Variants in ANK2 observed in about 807,000 individuals in gnomAD.
The protein encoded by ANK2 is ankyrin-2.
A neutral mutation model predicts 360.5 loss-of-function variants in ANK2; 83 were observed. The ratio of observed to expected loss-of-function variants is 0.23; its 90% CI spans 0.19 to 0.28. The LOEUF is 0.28. Ranked by LOEUF, ANK2 falls within the 10% of genes least tolerant of loss-of-function variation. The pLI, the probability that ANK2 is intolerant of heterozygous loss-of-function variation, is 1.00. For missense variants in ANK2, 4,201 were observed against 4,795.7 expected (o/e 0.88, Z 3.66); for synonymous variants, 1,740 against 1,759.5 (o/e 0.99, Z 0.28).
At chr4:113,309,148 T>G (rs904581945) in intron 23 of ANK2, among the ~76,000 whole-genome samples, 1 of 152,240 alleles carries the variant, frequency 6.6e-6, no homozygotes, top group African/African-American at 2.4e-5. Flanking sequence ...ATGATTTATA[T>G]ACATCTAACT....
chr4:113,294,285 AC>A lies in ANK2; in HGVS notation c.2475+749del, dbSNP rs543584844. ...AGGAGCCTCCTGAGAGGGGGCTCCT[AC>A]CTGAAAGTGGAAGTGCTATTATATT... is the stretch of plus-strand genomic sequence containing the variant. On this transcript the variant is annotated intron_variant, in intron 22 of 45. Transcript: ENST00000357077. Among the ~76,000 whole-genome samples the A allele has an allele frequency of 1.6e-4, 24 of 152,276 alleles. No homozygotes were observed. In the South Asian group the frequency reaches 4.8e-3, roughly 30 times the overall value.
intron 2 of ANK2, among the ~76,000 whole-genome samples, chr4:113,194,767 T>C (rs1035463375): frequency 6.6e-6 from 1 of 152,164 alleles, no homozygotes; most frequent in African/African-American, 2.4e-5. Flanking sequence ...GCTCAATAAA[T>C]ATTTGCTGAT....
At chr4:112,825,299 G>T (rs1164845986) in intron 1 of ANK2, among the ~76,000 whole-genome samples, 1 of 151,652 alleles carries the variant, frequency 6.6e-6, no homozygotes, top group Admixed American at 6.6e-5. Context: ...TAACAAACCT[G>T]CATGTTGTGC....
chr4:113,146,934 C>G (rs2096857590), intron 1 of ANK2, among the ~76,000 whole-genome samples: 1 of 152,176 alleles, frequency 6.6e-6, no homozygotes, highest in Non-Finnish European at 1.5e-5. Context: ...AGAACAGGGT[C>G]TGAAGCATAG....
chr4:112,945,719 A>G (rs1019380866), intron 2 of ANK2, among the ~76,000 whole-genome samples: 2 of 152,338 alleles, frequency 1.3e-5, no homozygotes, highest in South Asian at 4.1e-4. Flanking sequence ...CCAGTTTGAA[A>G]AATATAACCA....
chr4:113,371,353 C>T lies in ANK2; in HGVS notation c.11610+1548C>T, dbSNP rs1183609992. ...TGAATGAATTTTTATTCCAAGTTTG[C>T]TTTTGCATAGAATTATTCATCTCTC... On this transcript the variant is annotated intron_variant, in intron 43 of 45. Transcript: ENST00000357077. Among the ~76,000 whole-genome samples, 5 of 152,256 alleles carry T rather than the reference C, an allele frequency of 3.3e-5. 1 individual carries two copies. In the East Asian group the frequency reaches 9.6e-4, roughly 29 times the overall value.
the ANK2 span, among the ~76,000 whole-genome samples, chr4:112,793,159 C>T: frequency 5.3e-5 from 8 of 151,860 alleles, no homozygotes; most frequent in South Asian, 2.1e-4. Context: ...CTTGTGATGC[C>T]GTTTGTTAAA....
At chr4:113,019,912 A>G (rs2057614938) in intron 2 of ANK2, among the ~76,000 whole-genome samples, 1 of 152,050 alleles carries the variant, frequency 6.6e-6, no homozygotes, top group Non-Finnish European at 1.5e-5. Flanking sequence ...TCTAACAAAC[A>G]TAGTGCAACT....
intron 1 of ANK2, chr4:112,882,056 T>C: frequency 2.5e-6 from 1 of 393,392 alleles, no homozygotes; most frequent in Admixed American, 3.5e-5. Context: ...TCAGAAGGGC[T>C]CCTCAGGCTC....
intron 43 of ANK2, among the ~76,000 whole-genome samples, chr4:113,371,145 G>A (rs976994167): frequency 1.3e-5 from 2 of 152,044 alleles, no homozygotes; most frequent in African/African-American, 4.8e-5. Context: ...TGAAATTTTG[G>A]GGGGCAAATA....
intron 2 of ANK2, among the ~76,000 whole-genome samples, chr4:113,178,432 C>G (rs1444090640): frequency 1.3e-5 from 2 of 151,622 alleles, no homozygotes; most frequent in Admixed American, 1.3e-4. Context: ...ATTAGCCGGG[C>G]GTGGCAGCAG....
At chr4:112,911,858 A>T (rs960224495) in intron 2 of ANK2, among the ~76,000 whole-genome samples, 2 of 152,152 alleles carry the variant, frequency 1.3e-5, no homozygotes, top group African/African-American at 4.8e-5. Flanking sequence ...TTATTGTGTT[A>T]ATAATTATGT....
At chr4:113,201,907 TA>T (rs988407954) in intron 4 of ANK2, among the ~76,000 whole-genome samples, 12 of 152,220 alleles carry the variant, frequency 7.9e-5, no homozygotes, top group African/African-American at 2.9e-4. Flanking sequence ...ATTAAGACGT[TA>T]AAATAATCCT....
At chr4:113,339,369 C>A in intron 32 of ANK2, 47 bp downstream of exon 32, 1 of 1,449,462 alleles carries the variant, frequency 6.9e-7, no homozygotes, top group Non-Finnish European at 9.7e-7. Flanking sequence ...TGTTACCCTC[C>A]AAAAAAACTG....
At chr4:113,260,500 C>T (rs1385561820) in intron 13 of ANK2, among the ~76,000 whole-genome samples, 8 of 152,108 alleles carry the variant, frequency 5.3e-5, no homozygotes, top group Non-Finnish European at 8.8e-5. Flanking sequence ...ATATAATTTC[C>T]GTGTTTTCTA....
intron 1 of ANK2, among the ~76,000 whole-genome samples, chr4:112,861,869 A>AGAGAGAGAGAGAGAGAGAGAGAGAG (rs773734914): frequency 4.3e-5 from 3 of 69,210 alleles, no homozygotes; most frequent in African/African-American, 1.6e-4. Context: ...GAGAGAGAGA[A>AGAGAGAGAGAGAGAGAGAGAGAGAG]ACTCTCACAG....
chr4:113,277,086 C>T (rs1374617653), intron 15 of ANK2, among the ~76,000 whole-genome samples: 1 of 152,168 alleles, frequency 6.6e-6, no homozygotes, highest in Non-Finnish European at 1.5e-5. Context: ...ATTGGTTAGG[C>T]ACGGAAGACA....
the ANK2 span, among the ~76,000 whole-genome samples, chr4:112,756,426 ATAATT>A: frequency 6.6e-6 from 1 of 152,236 alleles, no homozygotes; most frequent in Non-Finnish European, 1.5e-5. Context: ...TAGATTCTCT[ATAATT>A]TATAAGATAC....
rs182471053 is a variant in ANK2 at position 112,883,448 on chromosome 4, A to T, written c.-39-21007A>T. Among the ~76,000 whole-genome samples, 16 of 152,290 alleles carry T rather than the reference A, an allele frequency of 1.1e-4. No individual in the cohort carries two copies. In the East Asian group the frequency reaches 3.1e-3, roughly 29 times the overall value. Reference sequence around the variant, plus strand: ...GATTATAATTATGCAATTTAATTAAATATTATATGAGCAGATGAAACATAT... The same window carrying T: ...GATTATAATTATGCAATTTAATTAATTATTATATGAGCAGATGAAACATAT... On this transcript the variant is annotated intron_variant, in intron 1 of 30. Transcript: ENST00000503271.
Sources: gnomAD v4.1 joint callset for allele counts (sites outside exome capture counted in the v4.1 genomes callset) on GRCh38, gnomAD v4.1.1 for gene constraint, MANE v1.5 for transcripts, NCBI Gene and HGNC (gene_info 2026-07-23, HGNC 2026-07-21) for gene names.